The following CYYR1 variants were observed in gnomAD, a reference collection of about 807,000 sequenced individuals.
CYYR1 encodes the protein cysteine and tyrosine rich 1, also known as cysteine and tyrosine-rich protein 1.
Under a neutral mutation model 15.2 loss-of-function variants are expected in CYYR1, and 14 were observed. The observed-to-expected ratio is 0.92, with a 90% confidence interval of 0.61 to 1.44. The LOEUF is 1.44. Ranked by LOEUF, CYYR1 falls within the 40% of genes most tolerant of loss-of-function variation. CYYR1 has a pLI of 0.00. For synonymous variants in CYYR1, 80 were observed against 77.4 expected (o/e 1.03, Z -0.18); for missense variants, 228 against 209.5 (o/e 1.09, Z -0.54).
At chr21:26,538,328 A>T (rs577751149) in intron 2 of CYYR1, among the ~76,000 whole-genome samples, 71 of 152,308 alleles carry the variant, frequency 4.7e-4, no homozygotes, top group Non-Finnish European at 8.5e-4. Context: ...GAAGAAGGAA[A>T]AGGGTAATGG....
intron 2 of CYYR1, among the ~76,000 whole-genome samples, chr21:26,526,476 T>TA (rs1325557640): frequency 2.0e-5 from 3 of 151,752 alleles, no homozygotes; most frequent in East Asian, 1.9e-4. Flanking sequence ...ACAAAAAAGT[T>TA]AAAAAAAATT....
chr21:26,542,874 T>G (rs1326277050), intron 2 of CYYR1, among the ~76,000 whole-genome samples: 4 of 152,176 alleles, frequency 2.6e-5, no homozygotes, highest in Non-Finnish European at 4.4e-5. Context: ...TTCCATGTAT[T>G]AGGGTGTTAA....
intron 2 of CYYR1, among the ~76,000 whole-genome samples, chr21:26,497,289 G>A (rs1232697991): frequency 1.3e-5 from 2 of 152,054 alleles, no homozygotes; most frequent in African/African-American, 4.8e-5. Flanking sequence ...AATAGTTTTG[G>A]ATTATGCCAA....
At chr21:26,551,087 C>T (rs1183433762) in intron 2 of CYYR1, 1 of 152,692 alleles carries the variant, frequency 6.5e-6, no homozygotes, top group African/African-American at 2.4e-5. Flanking sequence ...AAGAACTGTG[C>T]TAAATCTACT....
chr21:26,479,434 G>A (rs1307297896), intron 3 of CYYR1, among the ~76,000 whole-genome samples: 1 of 152,060 alleles, frequency 6.6e-6, no homozygotes, highest in Non-Finnish European at 1.5e-5. Context: ...GAGTATGGAT[G>A]GGAAATTAAC....
chr21:26,518,050 C>T (rs2065756233), intron 2 of CYYR1, among the ~76,000 whole-genome samples: 1 of 152,192 alleles, frequency 6.6e-6, no homozygotes, highest in African/African-American at 2.4e-5. Context: ...ATTGACTGAA[C>T]ACAGCCATGT....
At chr21:26,471,938 A>C (rs2123363879) in intron 3 of CYYR1, among the ~76,000 whole-genome samples, 1 of 152,318 alleles carries the variant, frequency 6.6e-6, no homozygotes, top group East Asian at 1.9e-4. Context: ...AATTCGGAGA[A>C]GAAATGTAAT....
At position 26,504,509 on chromosome 21, in the gene CYYR1, T is replaced by G. The variant is rs558857498; in HGVS notation, c.177-24080A>C. ...CTGTAATTTTTATTATTTTAAAAAA[T>G]TATTTAAAAATTTTTTGTGAGTACA... On this transcript the variant is annotated intron_variant, in intron 2 of 3. Transcript: ENST00000652641. Among the ~76,000 whole-genome samples the G allele has an allele frequency of 4.0e-3, 614 of 152,240 alleles. 3 individuals carry two copies. Among genetic ancestry groups the G allele is most frequent in the African/African-American group, 0.014 (583 of 41,538 alleles).
At chr21:26,562,727 AACACACACACAC>A (rs58990363) in intron 2 of CYYR1, among the ~76,000 whole-genome samples, 4 of 131,612 alleles carry the variant, frequency 3.0e-5, no homozygotes, top group Admixed American at 1.6e-4. Flanking sequence ...TCTCCTCCTA[AACACACACACAC>A]ACACACACAC....
chr21:26,571,040 T>C (rs1023935092), intron 1 of CYYR1, among the ~76,000 whole-genome samples: 1 of 152,230 alleles, frequency 6.6e-6, no homozygotes, highest in African/African-American at 2.4e-5. Flanking sequence ...CAGTAAGACT[T>C]TCTTCTTTGA....
chr21:26,506,799 T>C (rs549074633), intron 2 of CYYR1: 31 of 152,260 alleles, frequency 2.0e-4, no homozygotes, highest in African/African-American at 7.5e-4. Flanking sequence ...GCCCACTTGC[T>C]AAAATGACCC....
intron 1 of CYYR1, chr21:26,569,078 C>G (rs1980842459): frequency 6.6e-6 from 1 of 152,148 alleles, no homozygotes; most frequent in Non-Finnish European, 1.5e-5. Flanking sequence ...GATCCCATTG[C>G]TGGGGTATCT....
chr21:26,561,070 A>G (rs1251266426), intron 2 of CYYR1, among the ~76,000 whole-genome samples: 1 of 152,218 alleles, frequency 6.6e-6, no homozygotes, highest in South Asian at 2.1e-4. Flanking sequence ...CTTTTAATAC[A>G]ATAACTCATA....
intron 2 of CYYR1, among the ~76,000 whole-genome samples, chr21:26,503,390 G>C (rs2123483792): frequency 6.6e-6 from 1 of 151,726 alleles, no homozygotes; most frequent in South Asian, 2.1e-4. Context: ...ATATTTTCTT[G>C]GTAAAAAATT....
intron 3 of CYYR1, chr21:26,478,008 T>A: frequency 2.6e-6 from 4 of 1,538,720 alleles, no homozygotes; most frequent in Non-Finnish European, 3.5e-6. Context: ...TTAATTCAGG[T>A]CTTTTCATGA....
At chr21:26,469,321 G>A (rs1263182200) in intron 3 of CYYR1, among the ~76,000 whole-genome samples, 1 of 152,018 alleles carries the variant, frequency 6.6e-6, no homozygotes, top group East Asian at 1.9e-4. Flanking sequence ...ATAATTGGAG[G>A]GGGGTGGAAC....
intron 2 of CYYR1, among the ~76,000 whole-genome samples, chr21:26,548,157 A>G (rs553800462): frequency 6.6e-6 from 1 of 152,340 alleles, no homozygotes; most frequent in Admixed American, 6.5e-5. Flanking sequence ...AATGAATTTT[A>G]TATAGCATTT....
intron 2 of CYYR1, among the ~76,000 whole-genome samples, chr21:26,507,600 A>G (rs1332408660): frequency 6.6e-6 from 1 of 152,230 alleles, no homozygotes; most frequent in Non-Finnish European, 1.5e-5. Flanking sequence ...ATTTAATAGC[A>G]ATGGCTGTGA....
chr21:26,516,912 G>A (rs372453018), intron 2 of CYYR1, among the ~76,000 whole-genome samples: 3 of 151,358 alleles, frequency 2.0e-5, no homozygotes, highest in East Asian at 3.9e-4. Flanking sequence ...TCAGGAGATC[G>A]AGACCATCCT....
Sources: allele counts gnomAD v4.1 joint callset (sites outside exome capture counted in the v4.1 genomes callset), GRCh38; gene constraint gnomAD v4.1.1; transcripts MANE v1.5; gene names NCBI Gene and HGNC (gene_info 2026-07-23, HGNC 2026-07-21).